The following KCND2 variants were observed in gnomAD, a reference collection of about 807,000 sequenced individuals.
KCND2 encodes potassium voltage-gated channel subfamily D member 2.
Under a neutral mutation model 54.4 loss-of-function variants are expected in KCND2, and 16 were observed. The ratio of observed to expected loss-of-function variants is 0.29; its 90% CI spans 0.20 to 0.45. The LOEUF is 0.45. Among genes scored for constraint, KCND2 ranks in the 20% least tolerant of loss-of-function variants. The pLI is 1.00. For missense variants in KCND2, 486 were observed against 824.2 expected, an observed-to-expected ratio of 0.59 and a Z score of 5.02; for synonymous variants, 317 against 310.7, an observed-to-expected ratio of 1.02 and a Z score of -0.21.
chr7:120,667,801 C>T (rs928016303), intron 1 of KCND2, among the ~76,000 whole-genome samples: 2 of 151,844 alleles, frequency 1.3e-5, no homozygotes, highest in African/African-American at 2.4e-5. Flanking sequence ...AAAAATAAAA[C>T]GAGAACAAAG....
At chr7:120,546,248 C>T (rs899398831) in intron 1 of KCND2, among the ~76,000 whole-genome samples, 8 of 151,820 alleles carry the variant, frequency 5.3e-5, no homozygotes, top group Non-Finnish European at 1.0e-4. Flanking sequence ...TGATTGAACA[C>T]GGTTCTAACC....
chr7:120,284,222 GTTCTTTCCAGAGGCCTAT>G (rs1353362502), intron 1 of KCND2, among the ~76,000 whole-genome samples: 1 of 151,996 alleles, frequency 6.6e-6, no homozygotes, highest in Non-Finnish European at 1.5e-5. Flanking sequence ...ATCTTACCCA[GTTCTTTCCAGAGGCCTAT>G]TTCCTGATAA....
intron 1 of KCND2, among the ~76,000 whole-genome samples, chr7:120,310,414 T>C (rs1319614746): frequency 6.6e-6 from 1 of 152,196 alleles, no homozygotes; most frequent in East Asian, 1.9e-4. Flanking sequence ...TATATTTTTC[T>C]TTAAAAGAAT....
intron 1 of KCND2, among the ~76,000 whole-genome samples, chr7:120,403,617 A>G (rs1801300839): frequency 1.3e-5 from 2 of 151,722 alleles, no homozygotes; most frequent in Middle Eastern, 3.4e-3. Context: ...GGCATGAGCC[A>G]CCATGCCAGG....
intron 1 of KCND2, among the ~76,000 whole-genome samples, chr7:120,449,862 G>A (rs1802076208): frequency 2.0e-5 from 3 of 152,202 alleles, no homozygotes; most frequent in Admixed American, 2.0e-4. Flanking sequence ...GTAAATAAAA[G>A]CATTGAGCAA....
At chr7:120,604,941 A>G (rs1042402567) in intron 1 of KCND2, among the ~76,000 whole-genome samples, 1 of 152,180 alleles carries the variant, frequency 6.6e-6, no homozygotes, top group Non-Finnish European at 1.5e-5. Flanking sequence ...ATCCAATTGT[A>G]ATTTTCTCCT....
rs556761045 is a variant in KCND2 at position 120,429,511 on chromosome 7, C to A, written c.1115+153764C>A. ...AGGAAGAGGTGGAGGAGGAGTGGGG[C>A]AGGGAGAGGGGGTTGGAGAGGGGGG... is the stretch of plus-strand genomic sequence containing the variant. On this transcript the variant is annotated intron_variant, in intron 1 of 5. Transcript: ENST00000331113. Among the ~76,000 whole-genome samples, 3 of 115,644 alleles carry A rather than the reference C, an allele frequency of 2.6e-5. No individual in the cohort carries two copies. In the South Asian group the frequency reaches 8.2e-4, roughly 31 times the overall value. 75.9% of individuals were successfully genotyped at this position (115,644 alleles called of 152,430 possible).
chr7:120,379,681 A>C (rs184889235), intron 1 of KCND2, among the ~76,000 whole-genome samples: 2 of 152,142 alleles, frequency 1.3e-5, no homozygotes, highest in Non-Finnish European at 2.9e-5. Context: ...GTTAGACTAC[A>C]TAATGTTCTG....
At chr7:120,523,073 A>G (rs553411244) in intron 1 of KCND2, among the ~76,000 whole-genome samples, 3 of 152,268 alleles carry the variant, frequency 2.0e-5, no homozygotes, top group Admixed American at 6.5e-5. Flanking sequence ...TTTCCAGTTA[A>G]TCAAATTTTG....
At chr7:120,357,913 CACATCGGGGGTT>C (rs1383589206) in intron 1 of KCND2, among the ~76,000 whole-genome samples, 3 of 152,072 alleles carry the variant, frequency 2.0e-5, no homozygotes, top group African/African-American at 4.8e-5. Context: ...TCAATACAGC[CACATCGGGGGTT>C]GCAGCTTCAT....
intron 1 of KCND2, among the ~76,000 whole-genome samples, chr7:120,290,074 C>T (rs1485096613): frequency 6.6e-6 from 1 of 152,060 alleles, no homozygotes; most frequent in Non-Finnish European, 1.5e-5. Context: ...AAAGTTCTCT[C>T]TTCAAAGAGC....
chr7:120,410,641 C>A (rs1305499953), intron 1 of KCND2, among the ~76,000 whole-genome samples: 1 of 151,630 alleles, frequency 6.6e-6, no homozygotes, highest in Non-Finnish European at 1.5e-5. Context: ...TGGTGTACTG[C>A]ACCCATTAAC....
At chr7:120,535,057 A>G (rs975218620) in intron 1 of KCND2, among the ~76,000 whole-genome samples, 1 of 152,156 alleles carries the variant, frequency 6.6e-6, no homozygotes, top group African/African-American at 2.4e-5. Flanking sequence ...GTCTCAATAA[A>G]TAAGAGGGAA....
At chr7:120,581,374 A>C (rs1360598515) in intron 1 of KCND2, among the ~76,000 whole-genome samples, 1 of 152,244 alleles carries the variant, frequency 6.6e-6, no homozygotes, top group African/African-American at 2.4e-5. Flanking sequence ...TCTTGCACCC[A>C]GTAGGTAGTA....
intron 1 of KCND2, among the ~76,000 whole-genome samples, chr7:120,724,367 T>G (rs1792706136): frequency 6.6e-6 from 1 of 152,208 alleles, no homozygotes; most frequent in African/African-American, 2.4e-5. Context: ...AATTGACATT[T>G]GAGCTTCATC....
intron 1 of KCND2, among the ~76,000 whole-genome samples, chr7:120,640,857 C>T (rs1293337592): frequency 2.0e-5 from 3 of 152,100 alleles, no homozygotes; most frequent in African/African-American, 7.2e-5. Context: ...CATAGAAGTC[C>T]GGTTAAAGTC....
intron 1 of KCND2, among the ~76,000 whole-genome samples, chr7:120,701,240 T>TAAAAAAAAAAAAAAAAAAAAA (rs34803439): frequency 3.6e-5 from 2 of 55,098 alleles, no homozygotes; most frequent in African/African-American, 5.6e-5. Flanking sequence ...AATGCCTAGC[T>TAAAAAAAAAAAAAAAAAAAAA]AAAAAAAAAA....
intron 1 of KCND2, among the ~76,000 whole-genome samples, chr7:120,419,690 C>T (rs997327614): frequency 5.9e-5 from 9 of 152,052 alleles, no homozygotes; most frequent in African/African-American, 2.2e-4. Flanking sequence ...ACATATTACA[C>T]ATGATGTATA....
intron 1 of KCND2, among the ~76,000 whole-genome samples, chr7:120,540,023 A>G (rs1197973812): frequency 6.6e-6 from 1 of 152,168 alleles, no homozygotes; most frequent in African/African-American, 2.4e-5. Context: ...ACTCTTGAAG[A>G]AAATTTTCTT....
Sources: gnomAD v4.1 joint callset for allele counts (sites outside exome capture counted in the v4.1 genomes callset) on GRCh38, gnomAD v4.1.1 for gene constraint, MANE v1.5 for transcripts, NCBI Gene and HGNC (gene_info 2026-07-23, HGNC 2026-07-21) for gene names.